Variants in TULP4 observed in about 807,000 individuals in gnomAD.
TULP4 encodes tubby-related protein 4.
In TULP4, 16 loss-of-function variants were observed where a neutral mutation model predicts 129.0. The observed-to-expected ratio is 0.12, with a 90% confidence interval of 0.08 to 0.19. The LOEUF is 0.19. TULP4 is among the 10% of genes least tolerant of loss of function. The pLI is 1.00. For missense variants in TULP4, 1,842 were observed against 2,059.1 expected (o/e 0.89, Z 2.04); for synonymous variants, 998 against 854.0 (o/e 1.17, Z -2.94).
At position 158,400,899 on chromosome 6, in the gene TULP4, A is replaced by AATG. The variant is rs113679574; in HGVS notation, c.253-12163_253-12161dup. Among the ~76,000 whole-genome samples, 588 of 152,130 alleles carry AATG rather than the reference A, an allele frequency of 3.9e-3. 9 individuals are homozygous for AATG. Among genetic ancestry groups the AATG allele is most frequent in the African/African-American group, 0.013 (554 of 41,492 alleles). ...TACAATGTACTGTATAATGTGAAAGAATGATATTTCAGTTCTTAGCAGAGA... is the reference window on the plus strand; with the variant it reads ...TACAATGTACTGTATAATGTGAAAGAATGATGATATTTCAGTTCTTAGCAGAGA... On this transcript the variant is annotated intron_variant, in intron 1 of 13. Coordinates refer to ENST00000367097, the MANE Select transcript of TULP4 (RefSeq NM_020245.5).
chr6:158,493,634 T>A lies in TULP4; in HGVS notation c.1693T>A (p.Ser565Thr). 1 of 1,599,190 alleles carries A rather than the reference T, an allele frequency of 6.3e-7. No individual in the cohort carries two copies. The change falls in exon 10 of 14, where the codon TCC becomes ACC. Residue 565 changes from serine to threonine, a missense_variant. By Grantham distance (58) the Ser-to-Thr change is moderately conservative (BLOSUM62 1). Coordinates refer to ENST00000367097, the MANE Select transcript of TULP4 (RefSeq NM_020245.5). This position sits in a 1 kb window ranked among gnomAD's most constrained non-coding sequence, Gnocchi z 4.4. ...LPRAAQELSR[S>T]PRLPLRKPSV... ...CCGGGCTGCTCAGGAGCTCTCCCGGTCCCCACGGTTGCCCCTGCGCAAGCC... is the reference window on the plus strand; with the variant it reads ...CCGGGCTGCTCAGGAGCTCTCCCGGACCCCACGGTTGCCCCTGCGCAAGCC...
intron 1 of TULP4, among the ~76,000 whole-genome samples, chr6:158,407,694 A>C (rs1027696750): frequency 1.3e-5 from 2 of 152,236 alleles, no homozygotes; most frequent in African/African-American, 2.4e-5. Flanking sequence ...AACATGGATA[A>C]ACCCTGAAAA....
intron 2 of TULP4, among the ~76,000 whole-genome samples, chr6:158,415,349 C>CTT (rs561619354): frequency 0.011 from 1,446 of 130,542 alleles, 30 homozygotes; most frequent in South Asian, 0.039. Flanking sequence ...GAGTGTGCTT[C>CTT]TTTTTTTTTT....
At chr6:158,432,517 A>G (rs1430984600) in intron 3 of TULP4, among the ~76,000 whole-genome samples, 1 of 152,160 alleles carries the variant, frequency 6.6e-6, no homozygotes, top group Non-Finnish European at 1.5e-5. Flanking sequence ...ATCTTGAGCT[A>G]TATTGGATTA....
At chr6:158,236,517 T>C (rs1777703332) in intron 1 of TULP4, among the ~76,000 whole-genome samples, 1 of 152,176 alleles carries the variant, frequency 6.6e-6, no homozygotes, top group Non-Finnish European at 1.5e-5. Context: ...AGAACATCAG[T>C]GTATTAAGAA....
chr6:158,332,830 C>T (rs1280481691), intron 1 of TULP4, among the ~76,000 whole-genome samples: 2 of 152,096 alleles, frequency 1.3e-5, no homozygotes, highest in Non-Finnish European at 2.9e-5. Context: ...AAAGCTTAAC[C>T]TTGTGCTCAC....
At chr6:158,287,769 A>G (rs1470397260) in intron 1 of TULP4, among the ~76,000 whole-genome samples, 1 of 152,228 alleles carries the variant, frequency 6.6e-6, no homozygotes. Context: ...GGCAGTAAAT[A>G]TATTCATACT....
At chr6:158,239,051 G>T (rs1318780936) in intron 1 of TULP4, among the ~76,000 whole-genome samples, 3 of 127,160 alleles carry the variant, frequency 2.4e-5, no homozygotes, top group Non-Finnish European at 5.3e-5. Flanking sequence ...CTGGCCGGGC[G>T]GGGGGCTGAC....
At chr6:158,248,459 C>T (rs1044331608) in intron 1 of TULP4, among the ~76,000 whole-genome samples, 51 of 152,012 alleles carry the variant, frequency 3.4e-4, no homozygotes, top group African/African-American at 9.2e-4. Flanking sequence ...TTAGTAGAGA[C>T]GGGGTTTCAT....
intron 2 of TULP4, 109 bp from the exon 3 acceptor site, chr6:158,429,627 G>A: frequency 8.4e-7 from 1 of 1,186,674 alleles, no homozygotes; most frequent in Non-Finnish European, 1.2e-6. Flanking sequence ...ATATTTTAAG[G>A]CCATCTCCAT....
At chr6:158,393,931 T>G (rs181245793) in intron 1 of TULP4, among the ~76,000 whole-genome samples, 1 of 152,374 alleles carries the variant, frequency 6.6e-6, no homozygotes, top group East Asian at 1.9e-4. Flanking sequence ...AATGGGTTTT[T>G]CCTTTCTACC....
At chr6:158,242,408 G>T in intron 1 of TULP4, 2 of 1,355,872 alleles carry the variant, frequency 1.5e-6, no homozygotes, top group Admixed American at 3.4e-5. Context: ...AAGCATCGTG[G>T]GAGTTTCGGA....
intron 1 of TULP4, among the ~76,000 whole-genome samples, chr6:158,395,705 T>C (rs990866270): frequency 2.2e-5 from 3 of 139,094 alleles, no homozygotes; most frequent in Non-Finnish European, 4.6e-5. Flanking sequence ...TGGGATGGAC[T>C]AGGGGTCACT....
intron 6 of TULP4, among the ~76,000 whole-genome samples, chr6:158,470,376 G>A (rs544164021): frequency 6.6e-6 from 1 of 152,378 alleles, no homozygotes; most frequent in South Asian, 2.1e-4. Flanking sequence ...ACAAAGAGGG[G>A]ACCCAAAGGG....
intron 1 of TULP4, among the ~76,000 whole-genome samples, chr6:158,300,858 A>G: frequency 6.6e-6 from 1 of 152,216 alleles, no homozygotes; most frequent in Non-Finnish European, 1.5e-5. Context: ...AGTGGTGGAC[A>G]ATAAGCTTAG....
At chr6:158,372,856 T>C (rs1331984597) in intron 1 of TULP4, among the ~76,000 whole-genome samples, 1 of 152,238 alleles carries the variant, frequency 6.6e-6, no homozygotes, top group Non-Finnish European at 1.5e-5. Context: ...TTCATTACTT[T>C]CATATTCTGA....
chr6:158,315,089 A>T (rs1779458149), intron 1 of TULP4, among the ~76,000 whole-genome samples: 1 of 152,242 alleles, frequency 6.6e-6, no homozygotes, highest in South Asian at 2.1e-4. Context: ...TGACTATTTC[A>T]GGCATCTTAA....
chr6:158,308,733 A>G (rs1583726869), upstream of TULP4, among the ~76,000 whole-genome samples: 14 of 135,290 alleles, frequency 1.0e-4, no homozygotes, highest in Non-Finnish European at 1.4e-4. Context: ...CACCTCCTGG[A>G]CGGGGCGGCT....
At chr6:158,372,308 AC>A (rs1777091913) in intron 1 of TULP4, among the ~76,000 whole-genome samples, 1 of 151,814 alleles carries the variant, frequency 6.6e-6, no homozygotes, top group African/African-American at 2.4e-5. Flanking sequence ...GATTTTAACT[AC>A]CTTCCTTCTT....
Sources: allele counts gnomAD v4.1 joint callset (sites outside exome capture counted in the v4.1 genomes callset), GRCh38; gene constraint gnomAD v4.1.1; non-coding constraint Gnocchi (gnomAD v3.1); transcripts MANE v1.5; gene names NCBI Gene and HGNC (gene_info 2026-07-23, HGNC 2026-07-21).